RAP1GDS1: variants seen among roughly 807,000 people sequenced by gnomAD.
RAP1GDS1 encodes Rap1 GTPase-GDP dissociation stimulator 1, also known as RAP1, GTP-GDP dissociation stimulator 1.
RAP1GDS1 carries 35 observed loss-of-function variants against 71.1 expected under a neutral mutation model. The observed-to-expected ratio is 0.49, with a 90% confidence interval of 0.38 to 0.65. The LOEUF (loss-of-function observed/expected upper bound fraction) is 0.65. RAP1GDS1 is among the 30% of genes least tolerant of loss of function. RAP1GDS1 has a pLI of 0.00. For missense variants in RAP1GDS1, 663 were observed against 706.1 expected, an observed-to-expected ratio of 0.94 and a Z score of 0.69; for synonymous variants, 229 against 243.1, an observed-to-expected ratio of 0.94 and a Z score of 0.54.
At chr4:98,291,770 A>AC (rs1726968604) in intron 1 of RAP1GDS1, among the ~76,000 whole-genome samples, 1 of 152,170 alleles carries the variant, frequency 6.6e-6, no homozygotes, top group Non-Finnish European at 1.5e-5. Flanking sequence ...TTTCTAAAAT[A>AC]ACAGGAATGC....
intron 7 of RAP1GDS1, among the ~76,000 whole-genome samples, chr4:98,407,335 A>G (rs983877463): frequency 6.6e-6 from 1 of 152,112 alleles, no homozygotes; most frequent in Non-Finnish European, 1.5e-5. Context: ...TTAAGTAGTT[A>G]ACTGGAATAA....
intron 1 of RAP1GDS1, among the ~76,000 whole-genome samples, chr4:98,268,403 GA>G (rs1560745634): frequency 6.6e-6 from 1 of 151,484 alleles, no homozygotes; most frequent in Non-Finnish European, 1.5e-5. Flanking sequence ...CTCAGATTGA[GA>G]AAAAAAACAA....
chr4:98,436,690 TTTAA>T (rs1751184760), intron 13 of RAP1GDS1, among the ~76,000 whole-genome samples: 2 of 152,332 alleles, frequency 1.3e-5, no homozygotes, highest in East Asian at 1.9e-4. Context: ...TAATAAAAAG[TTTAA>T]TTGTCTCATA....
At chr4:98,438,033 A>G (rs1432424956) in intron 14 of RAP1GDS1, among the ~76,000 whole-genome samples, 1 of 151,980 alleles carries the variant, frequency 6.6e-6, no homozygotes, top group Non-Finnish European at 1.5e-5. Flanking sequence ...GAAGTCTCCC[A>G]CTGTAGATTT....
intron 2 of RAP1GDS1, among the ~76,000 whole-genome samples, chr4:98,299,831 G>T (rs1037425244): frequency 6.6e-6 from 1 of 151,768 alleles, no homozygotes; most frequent in Non-Finnish European, 1.5e-5. Flanking sequence ...ATATTGGCCA[G>T]GTTGGTCTCG....
At chr4:98,301,048 T>C (rs1400404867) in intron 2 of RAP1GDS1, among the ~76,000 whole-genome samples, 2 of 152,286 alleles carry the variant, frequency 1.3e-5, no homozygotes, top group Non-Finnish European at 2.9e-5. Context: ...ATACTCCTGC[T>C]GTTTTAGTAG....
chr4:98,306,832 C>T (rs878971104), intron 2 of RAP1GDS1, among the ~76,000 whole-genome samples: 1 of 152,140 alleles, frequency 6.6e-6, no homozygotes, highest in African/African-American at 2.4e-5. Flanking sequence ...TCTATTCGCT[C>T]TAGAAAGCTT....
At chr4:98,352,162 G>C (rs975788549) in intron 3 of RAP1GDS1, among the ~76,000 whole-genome samples, 2 of 151,918 alleles carry the variant, frequency 1.3e-5, no homozygotes, top group Non-Finnish European at 2.9e-5. Flanking sequence ...TGCTTCCAAA[G>C]CATATCGTTA....
chr4:98,403,774 A>G (rs999677026), intron 6 of RAP1GDS1, among the ~76,000 whole-genome samples: 1 of 152,186 alleles, frequency 6.6e-6, no homozygotes, highest in African/African-American at 2.4e-5. Context: ...AGGAACAATT[A>G]TAGGAGATTG....
rs530292218 is a variant in RAP1GDS1, at chr4:98,289,279, G to A, written c.5-4129G>A. Among the ~76,000 whole-genome samples, 7 of 152,212 alleles carry A rather than the reference G, an allele frequency of 4.6e-5. No individual in the cohort carries two copies. In the South Asian group the frequency reaches 1.2e-3, roughly 27 times the overall value. On this transcript the variant is annotated intron_variant, in intron 1 of 14. Transcript: ENST00000408927. ...AAATGTGGGAGCCTAGAAAAGGAAG[G>A]TTCCTCTGACTGCAGGAATACAGAA...
In RAP1GDS1 at chr4:98,398,399, C is replaced by G. The variant is rs549351638; in HGVS notation, c.638-6078C>G. ...ATAAATGTCCTAAGGAATGAAAATA[C>G]ACCCAGACCATAGCGCATCAATGTG... On this transcript the variant is annotated intron_variant, in intron 6 of 14. Coordinates refer to ENST00000408927, the MANE Select transcript of RAP1GDS1 (RefSeq NM_001100427.2). Among the ~76,000 whole-genome samples the G allele has an allele frequency of 3.9e-5, 6 of 152,188 alleles. No individual in the cohort carries two copies. The South Asian group carries it at 1.2e-3, about 32-fold the overall frequency.
intron 12 of RAP1GDS1, among the ~76,000 whole-genome samples, chr4:98,423,440 A>G: frequency 6.6e-6 from 1 of 152,226 alleles, no homozygotes; most frequent in East Asian, 1.9e-4. Flanking sequence ...GTTAAGATAT[A>G]TGGACTTGAT....
At chr4:98,414,696 C>T (rs1212513330) in intron 7 of RAP1GDS1, among the ~76,000 whole-genome samples, 2 of 151,376 alleles carry the variant, frequency 1.3e-5, no homozygotes, top group East Asian at 1.9e-4. Context: ...CTTGGCGATG[C>T]GGGCTCTTTC....
In RAP1GDS1 at chr4:98,267,153, TG is replaced by T. The variant is rs544580107; in HGVS notation, c.4+5585del. 1.5e-4 allele frequency among the ~76,000 whole-genome samples: 23 copies of T among 152,260 alleles called. No homozygotes were observed. In the East Asian group the frequency reaches 4.0e-3, roughly 27 times the overall value. On this transcript the variant is annotated intron_variant, in intron 1 of 14. Transcript: ENST00000408927. ...ATTTTGTTGAGGATTTTTCTATTTA[TG>T]TTTATTAAGGATATTAGCTTGTAGT...
At chr4:98,309,566 A>G (rs998740435) in intron 2 of RAP1GDS1, among the ~76,000 whole-genome samples, 14 of 152,064 alleles carry the variant, frequency 9.2e-5, no homozygotes, top group African/African-American at 3.1e-4. Flanking sequence ...GGCTCTAAGT[A>G]GTCAAGGTAA....
chr4:98,376,524 C>G (rs1250708215), intron 4 of RAP1GDS1, among the ~76,000 whole-genome samples: 1 of 151,950 alleles, frequency 6.6e-6, no homozygotes, highest in Non-Finnish European at 1.5e-5. Context: ...TGACTTATGT[C>G]ACTGGTTTTG....
intron 6 of RAP1GDS1, chr4:98,396,354 T>C (rs1744548674): frequency 6.6e-6 from 1 of 151,854 alleles, no homozygotes; most frequent in Non-Finnish European, 1.5e-5. Flanking sequence ...AGAAAAGAGG[T>C]AAGTAAAGAG....
chr4:98,352,494 G>C lies in RAP1GDS1; in HGVS notation c.254G>C (p.Cys85Ser), dbSNP rs367612921. The C allele has an allele frequency of 6.2e-7, 1 of 1,613,610 alleles. No homozygotes were observed. Among genetic ancestry groups the C allele is most frequent in the Non-Finnish European group, 8.5e-7 (1 of 1,179,780 alleles). ...TTTTCAGAGTTTATGCGAATTCCAT[G>C]TGTGGATGCTGGATTGATTTCACCA... ...VAKNEFMRIP[C>S]VDAGLISPLV... Residue 85 changes from cysteine to serine, a missense_variant, in exon 4 of 15, where the codon TGT (cysteine) becomes TCT (serine). Coordinates refer to ENST00000408927, the MANE Select transcript of RAP1GDS1 (RefSeq NM_001100427.2).
intron 2 of RAP1GDS1, among the ~76,000 whole-genome samples, chr4:98,334,439 C>T (rs1038021753): frequency 2.0e-5 from 3 of 152,184 alleles, no homozygotes; most frequent in Non-Finnish European, 4.4e-5. Context: ...TTCTAAGTGG[C>T]ATTGAATTTT....
Sources: gnomAD v4.1 joint callset for allele counts (sites outside exome capture counted in the v4.1 genomes callset) on GRCh38, gnomAD v4.1.1 for gene constraint, MANE v1.5 for transcripts, NCBI Gene and HGNC (gene_info 2026-07-23, HGNC 2026-07-21) for gene names.